AHI1: variants seen among roughly 807,000 people sequenced by gnomAD.
The protein encoded by AHI1 is jouberin.
A neutral mutation model predicts 149.3 loss-of-function variants in AHI1; 123 were observed. That is an observed-to-expected ratio of 0.82 (90% CI 0.71 to 0.96). The LOEUF is 0.96. Among genes scored for constraint, AHI1 ranks in the 40% least tolerant of loss-of-function variants. The pLI is 0.00. For synonymous variants in AHI1, 475 were observed against 459.8 expected (o/e 1.03, Z -0.42); for missense variants, 1,439 against 1,422.7 (o/e 1.01, Z -0.18).
intron 23 of AHI1, among the ~76,000 whole-genome samples, chr6:135,381,660 C>A (rs1455527710): frequency 6.6e-6 from 1 of 152,184 alleles, no homozygotes; most frequent in Non-Finnish European, 1.5e-5. Context: ...CTAAACAAGG[C>A]CATAAAACTA....
intron 20 of AHI1, among the ~76,000 whole-genome samples, chr6:135,421,028 A>G (rs1783073573): frequency 6.6e-6 from 1 of 152,136 alleles, no homozygotes; most frequent in Non-Finnish European, 1.5e-5. Context: ...ACTGTGTCTC[A>G]GAGAATAGGG....
intron 5 of AHI1, among the ~76,000 whole-genome samples, chr6:135,468,239 T>G (rs1281634408): frequency 6.6e-6 from 1 of 152,104 alleles, no homozygotes; most frequent in East Asian, 1.9e-4. Context: ...TCTAATTATA[T>G]TCACATGTTC....
rs577402080 is a variant in AHI1, at chr6:135,483,196, C to T, written c.135+7427G>A. Among the ~76,000 whole-genome samples the T allele has an allele frequency of 1.7e-3, 260 of 152,054 alleles. 2 individuals carry two copies. Among genetic ancestry groups the T allele is most frequent in the African/African-American group, 5.8e-3 (241 of 41,446 alleles). ...TACAGGTGTGAGCCACCACACCCAG[C>T]CCATTTAAGGCTTTTTAAATTTAGT... On this transcript the variant is annotated intron_variant, in intron 5 of 28. Transcript: ENST00000265602.
chr6:135,368,792 G>A (rs984685249), intron 23 of AHI1, among the ~76,000 whole-genome samples: 6 of 152,184 alleles, frequency 3.9e-5, no homozygotes, highest in African/African-American at 1.4e-4. Flanking sequence ...CAGTGAGCAG[G>A]GTTGAGAACT....
intron 26 of AHI1, among the ~76,000 whole-genome samples, chr6:135,314,711 C>T (rs531148812): frequency 1.3e-5 from 2 of 152,154 alleles, no homozygotes; most frequent in Non-Finnish European, 2.9e-5. Flanking sequence ...TCACATAGTT[C>T]ATGGTTCTCT....
At chr6:135,463,380 T>A in intron 7 of AHI1, 74 bp from the exon 8 acceptor site, 1 of 1,259,584 alleles carries the variant, frequency 7.9e-7, no homozygotes. Flanking sequence ...TGCAACAGAG[T>A]GAACAGTAAA....
At chr6:135,336,856 C>G (rs921184066) in intron 24 of AHI1, among the ~76,000 whole-genome samples, 4 of 152,104 alleles carry the variant, frequency 2.6e-5, no homozygotes, top group Admixed American at 1.3e-4. Context: ...TGCTATGTGT[C>G]AGGAAGGTGT....
chr6:135,363,412 G>C (rs1164807690), intron 23 of AHI1, among the ~76,000 whole-genome samples: 1 of 152,116 alleles, frequency 6.6e-6, no homozygotes, highest in Non-Finnish European at 1.5e-5. Flanking sequence ...ATTTTTCTTA[G>C]TACAGAACAA....
At position 135,411,555 on chromosome 6, in the gene AHI1, G is replaced by A; in HGVS notation, c.2765-11C>T. 6.5e-7 allele frequency: 1 copy of A among 1,548,880 alleles called. No individual in the cohort carries two copies. Among genetic ancestry groups the A allele is most frequent in the Non-Finnish European group, 8.7e-7 (1 of 1,147,794 alleles). On this transcript the variant is annotated splice_polypyrimidine_tract_variant and intron_variant, in intron 20 of 28. Coordinates refer to ENST00000265602, the MANE Select transcript of AHI1 (RefSeq NM_001134831.2). ...CCTCCTGCTGGGCAACTGAAGAAAT[G>A]AATCCATAATTAGTTAAATCATCAT...
At chr6:135,475,466 T>C (rs972831190) in intron 5 of AHI1, among the ~76,000 whole-genome samples, 3 of 152,174 alleles carry the variant, frequency 2.0e-5, no homozygotes, top group Non-Finnish European at 4.4e-5. Context: ...ACTGTAACAG[T>C]TTTGCCAGAA....
chr6:135,301,770 T>C (rs1045672030), intron 26 of AHI1: 4 of 985,320 alleles, frequency 4.1e-6, no homozygotes, highest in Admixed American at 6.1e-5. Context: ...ACCAGTGGAA[T>C]TGCTCTGACT....
chr6:135,390,452 T>TA (rs11407434), intron 23 of AHI1, among the ~76,000 whole-genome samples: 4,290 of 151,746 alleles, frequency 0.028, 223 homozygotes, highest in African/African-American at 0.098. Context: ...CTAAAGCTAG[T>TA]AAAAAAAAGA....
intron 20 of AHI1, among the ~76,000 whole-genome samples, chr6:135,426,608 T>A (rs1783946292): frequency 6.6e-6 from 1 of 151,592 alleles, no homozygotes; most frequent in Non-Finnish European, 1.5e-5. Context: ...GAATCCTAAT[T>A]TCAGGATAGA....
At chr6:135,481,723 T>G (rs1391611857) in intron 5 of AHI1, among the ~76,000 whole-genome samples, 2 of 149,932 alleles carry the variant, frequency 1.3e-5, no homozygotes, top group Non-Finnish European at 3.0e-5. Flanking sequence ...TTTTTAACAC[T>G]TTTTTATACT....
intron 24 of AHI1, among the ~76,000 whole-genome samples, chr6:135,351,144 C>CAA (rs112077817): frequency 0.016 from 1,828 of 116,256 alleles, 36 homozygotes; most frequent in African/African-American, 0.075. Context: ...ACAAAAAAAA[C>CAA]AAAAAAAAAA....
chr6:135,404,603 C>T (rs891258454), intron 22 of AHI1, among the ~76,000 whole-genome samples: 1 of 152,206 alleles, frequency 6.6e-6, no homozygotes, highest in Non-Finnish European at 1.5e-5. Flanking sequence ...ACAGTTTACT[C>T]AGCATATACC....
Position 135,427,289 on chromosome 6 carries a change from T to A in AHI1, c.2642A>T (p.Tyr881Phe). Residue 881 changes from tyrosine to phenylalanine, a missense_variant, in exon 20 of 29, where the codon TAT (tyrosine) becomes TTT (phenylalanine). Transcript: ENST00000265602. ...GGGTGACTTGAATGGCAAGTCAGAA[T>A]ACATGGCTACTTGTTCTCCTAAATA... is the stretch of plus-strand genomic sequence containing the variant. ...NPETGEQVAM[Y>F]SDLPFKSPIR... The A allele has an allele frequency of 6.2e-7, 1 of 1,609,460 alleles. No homozygotes were observed. The highest frequency in any genetic ancestry group is 8.5e-7 in the Non-Finnish European group (1 of 1,177,084).
chr6:135,366,387 T>C (rs547082258), intron 23 of AHI1, among the ~76,000 whole-genome samples: 3 of 152,364 alleles, frequency 2.0e-5, no homozygotes, highest in Admixed American at 2.0e-4. Context: ...GAATGTCTGA[T>C]AGAATTCAGC....
chr6:135,416,941 G>A lies in AHI1; in HGVS notation c.2765-5397C>T, dbSNP rs1350020400. ...TGTAGCCATTTCTCTGTAGATTGTT[G>A]TGGATTTGACTATTATTTTTCATTA... On this transcript the variant is annotated intron_variant, in intron 20 of 28. Transcript: ENST00000265602. Among the ~76,000 whole-genome samples the A allele has an allele frequency of 3.9e-5, 6 of 152,036 alleles. 1 individual carries two copies. The highest frequency in any genetic ancestry group is 2.0e-4 in the Admixed American group (3 of 15,244).
Sources: allele counts gnomAD v4.1 joint callset (sites outside exome capture counted in the v4.1 genomes callset), GRCh38; gene constraint gnomAD v4.1.1; transcripts MANE v1.5; gene names NCBI Gene and HGNC (gene_info 2026-07-23, HGNC 2026-07-21).